PLCG2: variants seen among roughly 807,000 people sequenced by gnomAD.
The protein encoded by PLCG2 is 1-phosphatidylinositol 4,5-bisphosphate phosphodiesterase gamma-2.
Under a neutral mutation model 175.6 loss-of-function variants are expected in PLCG2, and 69 were observed. The ratio of observed to expected loss-of-function variants is 0.39; its 90% CI spans 0.32 to 0.48. The LOEUF (loss-of-function observed/expected upper bound fraction) is 0.48, where lower values mean the gene tolerates loss of function less well. Ranked by LOEUF, PLCG2 falls within the 20% of genes least tolerant of loss-of-function variation. The pLI, the probability that PLCG2 is intolerant of heterozygous loss-of-function variation, is 0.91. For missense variants in PLCG2, 1,798 were observed against 1,650.9 expected, an observed-to-expected ratio of 1.09 and a Z score of -1.54; for synonymous variants, 827 against 624.0, an observed-to-expected ratio of 1.33 and a Z score of -4.85.
At chr16:81,741,933 A>G (rs2143043977) in intron 1 of PLCG2, among the ~76,000 whole-genome samples, 1 of 152,320 alleles carries the variant, frequency 6.6e-6, no homozygotes, top group Non-Finnish European at 1.5e-5. Context: ...AATAAGCCAT[A>G]GTTAACCATA....
chr16:81,833,261 C>A (rs1746088556), intron 2 of PLCG2, among the ~76,000 whole-genome samples: 1 of 152,208 alleles, frequency 6.6e-6, no homozygotes, highest in Non-Finnish European at 1.5e-5. Context: ...GGGCCACAGC[C>A]TGGTTGTGTG....
chr16:81,814,343 G>A (rs1904444255), intron 2 of PLCG2, among the ~76,000 whole-genome samples: 1 of 152,162 alleles, frequency 6.6e-6, no homozygotes, highest in African/African-American at 2.4e-5. Context: ...TCTGGGGTCA[G>A]AATGTTTAGG....
rs909397483 is a variant in PLCG2 at position 81,958,317 on chromosome 16, G to C, written c.*319G>C. On this transcript the variant is annotated 3_prime_UTR_variant, in exon 33 of 33. Transcript: ENST00000564138. ...TGATCAATTAAGCCTTCTGTTGCAC[G>C]ACCTGTGCAGTGAACAGGATTTCTT... is the stretch of plus-strand genomic sequence containing the variant. The C allele has an allele frequency of 8.4e-6, 3 of 358,426 alleles. No homozygotes were observed. Among genetic ancestry groups the C allele is most frequent in the African/African-American group, 6.1e-5 (3 of 49,262 alleles). The allele number at this position is 358,426 out of a possible 1,614,324, so 22.2% of individuals were successfully genotyped here.
chr16:81,894,640 A>G (rs1239709635), intron 12 of PLCG2, among the ~76,000 whole-genome samples: 1 of 152,192 alleles, frequency 6.6e-6, no homozygotes, highest in Non-Finnish European at 1.5e-5. Context: ...TGAGAGGTCG[A>G]GGTGGGCGGA....
intron 14 of PLCG2, 111 bp from the exon 15 acceptor site, chr16:81,905,292 G>A (rs978135085): frequency 2.8e-6 from 2 of 714,982 alleles, no homozygotes; most frequent in African/African-American, 3.5e-5. Flanking sequence ...CAGGCAGCAA[G>A]AACAGGCAGT....
chr16:81,887,918 T>C (rs910598073), intron 9 of PLCG2, among the ~76,000 whole-genome samples: 5 of 152,248 alleles, frequency 3.3e-5, no homozygotes, highest in Non-Finnish European at 7.3e-5. Context: ...AGCAGCTGCT[T>C]TGGAACTGGT....
At chr16:81,937,660 G>C in intron 27 of PLCG2, 98 bp from the exon 28 acceptor site, 3 of 1,030,060 alleles carry the variant, frequency 2.9e-6, no homozygotes, top group Non-Finnish European at 4.3e-6. Context: ...CATTAATTTG[G>C]GGAAAAGGTG....
At chr16:81,933,013 T>C (rs1762434462) in intron 25 of PLCG2, among the ~76,000 whole-genome samples, 1 of 152,216 alleles carries the variant, frequency 6.6e-6, no homozygotes, top group Admixed American at 6.5e-5. Flanking sequence ...ACTCCAGCTC[T>C]CTCTACTTTG....
At chr16:81,923,078 C>G (rs1483865596) in intron 21 of PLCG2, among the ~76,000 whole-genome samples, 3 of 152,172 alleles carry the variant, frequency 2.0e-5, no homozygotes, top group Non-Finnish European at 4.4e-5. Context: ...AGCACCGGCA[C>G]TGTGATGACA....
At position 81,962,632 on chromosome 16, in the gene PLCG2, G is replaced by C; in HGVS notation, c.*4634G>C. 1 of 222,656 alleles carries C rather than the reference G, an allele frequency of 4.5e-6. No individual in the cohort carries two copies. Among genetic ancestry groups the C allele is most frequent in the South Asian group, 1.8e-4 (1 of 5,440 alleles). The allele number at this position is 222,656 out of a possible 1,614,324, so 13.8% of individuals were successfully genotyped here. On this transcript the variant is annotated 3_prime_UTR_variant, in exon 33 of 33. Coordinates refer to ENST00000564138, the MANE Select transcript of PLCG2 (RefSeq NM_002661.5). ...CACAGATGTTGGCTGTTGTTAATGT[G>C]AAAATTAAACAGCTGTATCACATTT...
intron 5 of PLCG2, among the ~76,000 whole-genome samples, chr16:81,864,597 A>C (rs956874053): frequency 1.4e-4 from 22 of 152,226 alleles, no homozygotes; most frequent in South Asian, 2.1e-4. Flanking sequence ...CCCGCCTCCC[A>C]GGGCAGATGT....
upstream of PLCG2, among the ~76,000 whole-genome samples, chr16:81,774,976 G>A (rs1359865914): frequency 1.3e-5 from 2 of 152,018 alleles, no homozygotes; most frequent in African/African-American, 2.4e-5. Context: ...GAACTCCTGG[G>A]CTCAAGTGGT....
At chr16:81,847,385 ATTGG>A (rs1906180416) in intron 2 of PLCG2, among the ~76,000 whole-genome samples, 2 of 152,320 alleles carry the variant, frequency 1.3e-5, no homozygotes, top group South Asian at 4.1e-4. Flanking sequence ...ATCATTGGCC[ATTGG>A]TGACCAACTC....
At chr16:81,957,584 G>C (rs1181231182) in intron 32 of PLCG2, among the ~76,000 whole-genome samples, 1 of 152,042 alleles carries the variant, frequency 6.6e-6, no homozygotes, top group Non-Finnish European at 1.5e-5. Flanking sequence ...CATGTAATGG[G>C]GTGCGGGGCG....
intron 31 of PLCG2, among the ~76,000 whole-genome samples, chr16:81,950,166 A>C (rs751976587): frequency 6.6e-6 from 1 of 152,230 alleles, no homozygotes; most frequent in Non-Finnish European, 1.5e-5. Flanking sequence ...GAATAGGCTG[A>C]ATCCTCCTAT....
chr16:81,838,557 A>T (rs1444467470), intron 2 of PLCG2, among the ~76,000 whole-genome samples: 1 of 152,042 alleles, frequency 6.6e-6, no homozygotes. Flanking sequence ...GGAGTTGAAC[A>T]ATGAGAACAC....
upstream of PLCG2, among the ~76,000 whole-genome samples, chr16:81,778,171 T>C (rs1597312124): frequency 6.7e-6 from 1 of 150,246 alleles, no homozygotes; most frequent in South Asian, 2.1e-4. Context: ...AGGTCAGGAG[T>C]TCAAGAACAG....
At chr16:81,811,657 A>G (rs1904327288) in intron 2 of PLCG2, among the ~76,000 whole-genome samples, 1 of 151,990 alleles carries the variant, frequency 6.6e-6, no homozygotes, top group Admixed American at 6.6e-5. Flanking sequence ...GCTGAGAATG[A>G]TGGTTTCCAG....
At position 81,891,575 on chromosome 16, in the gene PLCG2, C is replaced by G. The variant is rs759069790; in HGVS notation, c.971C>G (p.Ser324Cys). 5 of 1,584,526 alleles carry G rather than the reference C, an allele frequency of 3.2e-6. No homozygotes were observed. In the Admixed American group the frequency reaches 6.7e-5, roughly 21 times the overall value. The change falls in exon 11 of 33, where the codon TCC becomes TGC. Residue 324 changes from serine to cysteine, a missense_variant. Ser to Cys is a moderately radical substitution (Grantham distance 112). Coordinates refer to ENST00000564138, the MANE Select transcript of PLCG2 (RefSeq NM_002661.5). ...MNNPLSHYWI[S>C]SSHNTYLTGD... ...AACCCCCTGTCTCATTACTGGATCT[C>G]CTCGTCACATAACACGTGAGTTTCA...
Sources: gnomAD v4.1 joint callset for allele counts (sites outside exome capture counted in the v4.1 genomes callset) on GRCh38, gnomAD v4.1.1 for gene constraint, MANE v1.5 for transcripts, NCBI Gene and HGNC (gene_info 2026-07-23, HGNC 2026-07-21) for gene names.